The following XKR3 variants were observed in gnomAD, a reference collection of about 807,000 sequenced individuals.
XKR3 encodes XK related 3.
XKR3 carries 27 observed loss-of-function variants against 40.3 expected under a neutral mutation model. The observed-to-expected ratio is 0.67, with a 90% CI of 0.49 to 0.92. The LOEUF (loss-of-function observed/expected upper bound fraction) is 0.92. Ranked by LOEUF, XKR3 falls within the 40% of genes least tolerant of loss-of-function variation. XKR3 has a pLI of 0.00. For missense variants in XKR3, 472 were observed against 537.6 expected (o/e 0.88, Z 1.21); for synonymous variants, 193 against 195.4 (o/e 0.99, Z 0.10).
chr22:16,791,813 A>AGAGAGAGAGAGAGAGAG (rs2060120115), intron 3 of XKR3, among the ~76,000 whole-genome samples: 1 of 34,920 alleles, frequency 2.9e-5, no homozygotes, highest in Non-Finnish European at 5.8e-5. Context: ...GAGAGAGAGA[A>AGAGAGAGAGAGAGAGAG]AGAGAGAGAG....
intron 1 of XKR3, among the ~76,000 whole-genome samples, chr22:16,814,313 T>C (rs532737491): frequency 3.3e-5 from 5 of 152,194 alleles, no homozygotes; most frequent in Non-Finnish European, 5.9e-5. Context: ...GGTACCTTTG[T>C]TGGAAATCAA....
chr22:16,816,256 G>T (rs1389796262), intron 1 of XKR3, among the ~76,000 whole-genome samples: 1 of 151,552 alleles, frequency 6.6e-6, no homozygotes, highest in Non-Finnish European at 1.5e-5. Flanking sequence ...TCAGCCTGTT[G>T]TTCAATCCCT....
rs550411938 is a variant in XKR3 at position 16,811,102 on chromosome 22, T to C, written c.-10-3019A>G. On this transcript the variant is annotated intron_variant, in intron 1 of 3. Coordinates refer to ENST00000684488, the MANE Select transcript of XKR3 (RefSeq NM_001386955.1). Reference sequence around the variant, plus strand: ...TTTTCAGTTCACTTTGATCTTTTTTTTCTTTTTCACTTTCTTCTTTTTTTT... The same window carrying C: ...TTTTCAGTTCACTTTGATCTTTTTTCTCTTTTTCACTTTCTTCTTTTTTTT... Among the ~76,000 whole-genome samples, 6 of 151,590 alleles carry C rather than the reference T, an allele frequency of 4.0e-5. No individual in the cohort carries two copies. The South Asian group carries it at 1.2e-3, about 31-fold the overall frequency.
intron 1 of XKR3, among the ~76,000 whole-genome samples, chr22:16,814,060 G>T (rs2060223434): frequency 6.6e-6 from 1 of 152,118 alleles, no homozygotes; most frequent in African/African-American, 2.4e-5. Context: ...CAATTTAGTT[G>T]ATGTTTATTA....
At chr22:16,802,225 C>G (rs1237131447) in intron 2 of XKR3, among the ~76,000 whole-genome samples, 1 of 152,158 alleles carries the variant, frequency 6.6e-6, no homozygotes, top group Admixed American at 6.5e-5. Context: ...TAAGTACACA[C>G]TATCATTTAT....
intron 3 of XKR3, among the ~76,000 whole-genome samples, chr22:16,797,810 T>C (rs1276295478): frequency 8.3e-6 from 1 of 120,776 alleles, no homozygotes. Context: ...AAAAAAAAAA[T>C]AGGTAAAAGA....
intron 3 of XKR3, among the ~76,000 whole-genome samples, chr22:16,795,964 C>G (rs1311206144): frequency 7.0e-6 from 1 of 143,334 alleles, no homozygotes; most frequent in African/African-American, 2.4e-5. Context: ...AAAACTCAGT[C>G]TCAAAAAAAA....
At chr22:16,799,283 G>A (rs778143890) in intron 3 of XKR3, among the ~76,000 whole-genome samples, 1 of 151,120 alleles carries the variant, frequency 6.6e-6, no homozygotes, top group African/African-American at 2.4e-5. Flanking sequence ...GCATGGTGGC[G>A]GGCACCTGTA....
intron 1 of XKR3, among the ~76,000 whole-genome samples, chr22:16,822,099 G>T (rs2146183630): frequency 6.6e-6 from 1 of 152,208 alleles, no homozygotes; most frequent in East Asian, 1.9e-4. Context: ...TGGCAATTTT[G>T]TATGTTAATT....
chr22:16,824,312 A>T (rs774276769), intron 1 of XKR3, among the ~76,000 whole-genome samples: 5 of 148,216 alleles, frequency 3.4e-5, no homozygotes, highest in Non-Finnish European at 4.5e-5. Flanking sequence ...GCACCATAAA[A>T]ATGTTTTTCC....
At chr22:16,824,248 G>A (rs1178818990) in intron 1 of XKR3, among the ~76,000 whole-genome samples, 1 of 152,114 alleles carries the variant, frequency 6.6e-6, no homozygotes, top group Admixed American at 6.6e-5. Flanking sequence ...CGAGGAACGG[G>A]CATGTAAGAA....
chr22:16,808,513 G>C (rs1360567123), intron 1 of XKR3, among the ~76,000 whole-genome samples: 2 of 152,154 alleles, frequency 1.3e-5, no homozygotes, highest in Non-Finnish European at 2.9e-5. Flanking sequence ...ACTATCCCCA[G>C]ATATTCCTGA....
intron 3 of XKR3, among the ~76,000 whole-genome samples, chr22:16,795,961 A>G (rs62227211): frequency 0.2 from 31,063 of 151,816 alleles, 3,751 homozygotes; most frequent in Middle Eastern, 0.3. Flanking sequence ...AAAAAAACTC[A>G]GTCTCAAAAA....
At chr22:16,806,375 A>C (rs1404978623) in intron 2 of XKR3, among the ~76,000 whole-genome samples, 1 of 151,124 alleles carries the variant, frequency 6.6e-6, no homozygotes, top group East Asian at 1.9e-4. Flanking sequence ...TTATATATTT[A>C]TATTTTTAAA....
At chr22:16,821,332 A>C (rs2060254773) in intron 1 of XKR3, among the ~76,000 whole-genome samples, 1 of 152,174 alleles carries the variant, frequency 6.6e-6, no homozygotes, top group African/African-American at 2.4e-5. Flanking sequence ...AAGAATACTT[A>C]AAATAATTCT....
chr22:16,820,432 A>G (rs1036269574), intron 1 of XKR3, among the ~76,000 whole-genome samples: 4 of 152,194 alleles, frequency 2.6e-5, no homozygotes, highest in Non-Finnish European at 5.9e-5. Context: ...AGATGGAAAC[A>G]GATCTACTGA....
intron 2 of XKR3, among the ~76,000 whole-genome samples, chr22:16,803,380 T>G (rs2060177205): frequency 6.6e-6 from 1 of 152,152 alleles, no homozygotes; most frequent in Non-Finnish European, 1.5e-5. Flanking sequence ...TAGGATTTAT[T>G]TCCACAACAA....
rs570698314 is a variant in XKR3, at chr22:16,795,649, A to G, written c.589+4122T>C. ...AAATAAAATAAATAAATAAATGGAT[A>G]GTGTGCTACCTAAATTAACAAAGAC... On this transcript the variant is annotated intron_variant, in intron 3 of 3. Transcript: ENST00000684488. Among the ~76,000 whole-genome samples the G allele has an allele frequency of 5.8e-3, 878 of 152,130 alleles. 9 individuals carry two copies. Among genetic ancestry groups the G allele is most frequent in the African/African-American group, 0.02 (850 of 41,508 alleles).
At chr22:16,815,796 A>G (rs1349131835) in intron 1 of XKR3, among the ~76,000 whole-genome samples, 4 of 151,986 alleles carry the variant, frequency 2.6e-5, no homozygotes, top group Admixed American at 6.5e-5. Flanking sequence ...TGATTTGTCA[A>G]TATAAATAAA....
Sources: gnomAD v4.1 joint callset for allele counts (sites outside exome capture counted in the v4.1 genomes callset) on GRCh38, gnomAD v4.1.1 for gene constraint, MANE v1.5 for transcripts, NCBI Gene and HGNC (gene_info 2026-07-23, HGNC 2026-07-21) for gene names.